PTPN12: variants seen among roughly 807,000 people sequenced by gnomAD.
PTPN12 encodes protein tyrosine phosphatase non-receptor type 12.
Under a neutral mutation model 97.6 loss-of-function variants are expected in PTPN12, and 29 were observed. The observed-to-expected ratio is 0.30, with a 90% confidence interval of 0.22 to 0.41. The LOEUF (loss-of-function observed/expected upper bound fraction) is 0.41. PTPN12 is among the 10% of genes least tolerant of loss of function. The probability of loss-of-function intolerance (pLI) is 1.00; values close to 1 mark genes in which losing one functional copy is unlikely to be tolerated. For synonymous variants in PTPN12, 327 were observed against 300.4 expected (o/e 1.09, Z -0.91); for missense variants, 819 against 926.0 (o/e 0.88, Z 1.50).
chr7:77,559,835 G>A (rs1044071094), intron 1 of PTPN12, among the ~76,000 whole-genome samples: 1 of 152,170 alleles, frequency 6.6e-6, no homozygotes, highest in Admixed American at 6.6e-5. Flanking sequence ...TGTGGGGGAA[G>A]AAAAAGAAAT....
At chr7:77,550,371 T>C (rs922789298) in intron 1 of PTPN12, among the ~76,000 whole-genome samples, 1 of 152,166 alleles carries the variant, frequency 6.6e-6, no homozygotes, top group South Asian at 2.1e-4. Flanking sequence ...TAAATAAATG[T>C]TATTTATTAA....
chr7:77,564,153 A>C (rs1808125727), intron 1 of PTPN12: 1 of 191,558 alleles, frequency 5.2e-6, no homozygotes, highest in African/African-American at 2.4e-5. Flanking sequence ...TGCTGGGATT[A>C]CAGGCACAAG....
At chr7:77,627,734 G>A (rs1562761894) in intron 13 of PTPN12, 59 bp downstream of exon 13, 3 of 1,429,892 alleles carry the variant, frequency 2.1e-6, no homozygotes, top group Non-Finnish European at 2.8e-6. Flanking sequence ...ACTGTTTTAA[G>A]CACTTTAGCT....
At chr7:77,560,578 A>G (rs1807953367) in intron 1 of PTPN12, among the ~76,000 whole-genome samples, 1 of 152,116 alleles carries the variant, frequency 6.6e-6, no homozygotes, top group Non-Finnish European at 1.5e-5. Context: ...AACCTGTAGC[A>G]CCATTCTATT....
chr7:77,585,051 G>A (rs1442998383), intron 4 of PTPN12: 1 of 152,204 alleles, frequency 6.6e-6, no homozygotes, highest in Admixed American at 6.6e-5. Flanking sequence ...ATAGAATATA[G>A]GTGATGGCTA....
intron 1 of PTPN12, among the ~76,000 whole-genome samples, chr7:77,566,091 A>G (rs1808243868): frequency 6.6e-6 from 1 of 152,218 alleles, no homozygotes; most frequent in Non-Finnish European, 1.5e-5. Flanking sequence ...CAAAAAGGAA[A>G]TAACACTTTA....
chr7:77,626,624 T>C (rs17467232), intron 12 of PTPN12, 81 bp from the exon 13 acceptor site: 387,692 of 1,413,330 alleles, frequency 0.27, 54,499 homozygotes, highest in Non-Finnish European at 0.29. Context: ...GCTCTTAATA[T>C]GCTACTCTTA....
At position 77,625,563 on chromosome 7, in the gene PTPN12, C is replaced by CTTTTTTTT. The variant is rs761274993; in HGVS notation, c.1026-1141_1026-1140insTTTTTTTT. 6.5e-4 allele frequency among the ~76,000 whole-genome samples: 18 copies of CTTTTTTTT among 27,784 alleles called. 4 individuals are homozygous for CTTTTTTTT. Among genetic ancestry groups the CTTTTTTTT allele is most frequent in the African/African-American group, 4.0e-3 (17 of 4,284 alleles). 18.2% of individuals were successfully genotyped at this position (27,784 alleles called of 152,430 possible). On this transcript the variant is annotated intron_variant, in intron 12 of 17. Coordinates refer to ENST00000248594, the MANE Select transcript of PTPN12 (RefSeq NM_002835.4). Reference sequence around the variant, plus strand: ...TCGCGCTCTCTCTCTCGCTCTCTCTCTCTTTTTTTTTTTTTTTTTTTTTTT... The same window carrying CTTTTTTTT: ...TCGCGCTCTCTCTCTCGCTCTCTCTCTTTTTTTTTCTTTTTTTTTTTTTTTTTTTTTTT...
intron 5 of PTPN12, among the ~76,000 whole-genome samples, chr7:77,591,491 T>C (rs1787865441): frequency 6.6e-6 from 1 of 152,204 alleles, no homozygotes; most frequent in Admixed American, 6.5e-5. Flanking sequence ...TCTATACCTG[T>C]TTAAAATAGG....
chr7:77,633,831 T>C (rs1789489323), intron 14 of PTPN12, among the ~76,000 whole-genome samples: 1 of 151,962 alleles, frequency 6.6e-6, no homozygotes, highest in South Asian at 2.1e-4. Context: ...GAGACCAGCC[T>C]GGGCAACACA....
chr7:77,598,388 A>G (rs1788087994), intron 7 of PTPN12, among the ~76,000 whole-genome samples: 1 of 152,098 alleles, frequency 6.6e-6, no homozygotes, highest in Admixed American at 6.5e-5. Context: ...TTAATCCAAA[A>G]TAAAAGTTGA....
Position 77,627,283 on chromosome 7 carries a change from CGTG to C in PTPN12, c.1607_1609del (p.Trp536del). 6.2e-7 allele frequency: 1 copy of C among 1,614,138 alleles called. No homozygotes were observed. Among genetic ancestry groups the C allele is most frequent in the East Asian group, 2.2e-5 (1 of 44,886 alleles). On this transcript the variant is annotated inframe_deletion, in exon 13 of 18. Transcript: ENST00000248594. ...CCTCTTGATGAGAAAGGACATGTAA[CGTG>C]GTCATTTCATGGACCTGAAAATGCC...
intron 13 of PTPN12, among the ~76,000 whole-genome samples, chr7:77,631,730 A>G (rs1214192834): frequency 1.3e-5 from 2 of 152,256 alleles, no homozygotes; most frequent in Non-Finnish European, 2.9e-5. Flanking sequence ...GTGCCACTGT[A>G]CACAAAATCT....
Position 77,639,218 on chromosome 7 carries a change from G to A in PTPN12, c.2282-1G>A. ...TAGTTATTGTGGTGTTTTCACTGTAGGTTTTGGTAATCGATGTGGAAAACC... is the reference window on the plus strand; with the variant it reads ...TAGTTATTGTGGTGTTTTCACTGTAAGTTTTGGTAATCGATGTGGAAAACC... On this transcript the variant is annotated splice_acceptor_variant, in intron 17 of 17. Coordinates refer to ENST00000248594, the MANE Select transcript of PTPN12 (RefSeq NM_002835.4). LOFTEE classifies it high-confidence loss of function. 1 of 1,610,328 alleles carries A rather than the reference G, an allele frequency of 6.2e-7. No homozygotes were observed.
At chr7:77,585,714 T>C (rs1787668246) in intron 5 of PTPN12, 133 bp downstream of exon 5, 2 of 652,546 alleles carry the variant, frequency 3.1e-6, no homozygotes, top group Admixed American at 3.1e-5. Context: ...TTGCTTTTAT[T>C]TCATACAAGG....
chr7:77,634,827 T>A (rs1489177261), intron 14 of PTPN12, among the ~76,000 whole-genome samples: 7 of 152,122 alleles, frequency 4.6e-5, no homozygotes, highest in Non-Finnish European at 2.9e-5. Flanking sequence ...ATCGCCCGCC[T>A]CAGCCTCCCA....
chr7:77,601,008 T>C, intron 8 of PTPN12: 1 of 509,424 alleles, frequency 2.0e-6, no homozygotes, highest in Non-Finnish European at 3.5e-6. Flanking sequence ...CACAGGATCA[T>C]CTATTTGAAA....
At chr7:77,577,888 G>C (rs1398463538) in intron 2 of PTPN12, among the ~76,000 whole-genome samples, 2 of 152,234 alleles carry the variant, frequency 1.3e-5, no homozygotes, top group East Asian at 1.9e-4. Context: ...GCTTTCCCCA[G>C]CTGTTGAATG....
chr7:77,625,468 G>GCGCTCTCTCTCTCTCTCTCTCTCTCT (rs1218191468), intron 12 of PTPN12, among the ~76,000 whole-genome samples: 2 of 24,748 alleles, frequency 8.1e-5, no homozygotes, highest in Non-Finnish European at 6.4e-5. Context: ...TGCCCAGGCT[G>GCGCTCTCTCTCTCTCTCTCTCTCTCT]CTCGCTCTCT....
Sources: gnomAD v4.1 joint callset for allele counts (sites outside exome capture counted in the v4.1 genomes callset) on GRCh38, gnomAD v4.1.1 for gene constraint, MANE v1.5 for transcripts, NCBI Gene and HGNC (gene_info 2026-07-23, HGNC 2026-07-21) for gene names.